CSMD3: variants seen among roughly 807,000 people sequenced by gnomAD.
The protein encoded by CSMD3 is CUB and sushi domain-containing protein 3.
CSMD3 carries 177 observed loss-of-function variants against 435.2 expected under a neutral mutation model. That is an observed-to-expected ratio of 0.41 (90% CI 0.36 to 0.46). The LOEUF (loss-of-function observed/expected upper bound fraction) is 0.46. Among genes scored for constraint, CSMD3 ranks in the 20% least tolerant of loss-of-function variants. The pLI is 0.34. For synonymous variants in CSMD3, 1,656 were observed against 1,520.5 expected, an observed-to-expected ratio of 1.09 and a Z score of -2.07; for missense variants, 4,265 against 4,504.6, an observed-to-expected ratio of 0.95 and a Z score of 1.52.
intron 13 of CSMD3, among the ~76,000 whole-genome samples, chr8:112,748,359 A>G (rs888242264): frequency 1.3e-5 from 2 of 152,142 alleles, no homozygotes; most frequent in Non-Finnish European, 2.9e-5. Context: ...ACTTTATTTT[A>G]GTTTTGGGGG....
chr8:113,002,175 A>C (rs553102048), intron 6 of CSMD3, among the ~76,000 whole-genome samples: 34 of 152,246 alleles, frequency 2.2e-4, no homozygotes, highest in African/African-American at 8.2e-4. Flanking sequence ...TTCCTCGTCT[A>C]GAATTTCATT....
chr8:113,041,779 A>G (rs2087628296), intron 5 of CSMD3, among the ~76,000 whole-genome samples: 1 of 152,138 alleles, frequency 6.6e-6, no homozygotes, highest in South Asian at 2.1e-4. Flanking sequence ...TTTTCTATTC[A>G]GAAATTAAAT....
chr8:112,864,865 A>C (rs2080932092), intron 10 of CSMD3, among the ~76,000 whole-genome samples: 1 of 152,308 alleles, frequency 6.6e-6, no homozygotes, highest in East Asian at 1.9e-4. Context: ...TGATTATCTT[A>C]ACTTTTAGTG....
chr8:112,275,020 C>T lies in CSMD3; in HGVS notation c.9508+6154G>A, dbSNP rs117216803. 5.1e-4 allele frequency among the ~76,000 whole-genome samples: 77 copies of T among 152,186 alleles called. No individual in the cohort carries two copies. In the East Asian group the frequency reaches 0.014, roughly 28 times the overall value. ...GAACCTTTTGATGCTTCAAGTTCTA[C>T]CTCCCCATTCCCCTTCTACTCCACA... On this transcript the variant is annotated intron_variant, in intron 59 of 70. Coordinates refer to ENST00000297405, the MANE Select transcript of CSMD3 (RefSeq NM_198123.2).
rs763855862 is a variant in CSMD3, at chr8:112,224,746, T to A, written c.*25A>T. The A allele has an allele frequency of 3.7e-6, 6 of 1,613,520 alleles. No homozygotes were observed. Among genetic ancestry groups the A allele is most frequent in the Non-Finnish European group, 4.2e-6 (5 of 1,179,526 alleles). ...TGTTTTGTGTGTCGATTTCCAAGCT[T>A]CTGAAGAAGGCAAAGGTTGCCTCGT... On this transcript the variant is annotated 3_prime_UTR_variant, in exon 71 of 71. Transcript: ENST00000297405.
intron 60 of CSMD3, 24 bp from the exon 61 acceptor site, chr8:112,263,836 A>G (rs1017244753): frequency 6.3e-7 from 1 of 1,597,962 alleles, no homozygotes; most frequent in Non-Finnish European, 8.6e-7. Context: ...AAAAGTGATT[A>G]GACACAGCTG....
At chr8:113,269,493 C>T (rs993065874) in intron 3 of CSMD3, among the ~76,000 whole-genome samples, 2 of 152,102 alleles carry the variant, frequency 1.3e-5, no homozygotes, top group Non-Finnish European at 2.9e-5. Flanking sequence ...AAAGAGCCCT[C>T]ATCACCAAGT....
At position 113,368,717 on chromosome 8, in the gene CSMD3, T is replaced by G. The variant is rs575215542; in HGVS notation, c.179-53924A>C. ...CGTCAATAATCTTGGCTTTTAAAAC[T>G]GTATTATGAAGACCGATTCTGTGTC... On this transcript the variant is annotated intron_variant, in intron 1 of 70. Coordinates refer to ENST00000297405, the MANE Select transcript of CSMD3 (RefSeq NM_198123.2). Among the ~76,000 whole-genome samples, 5 of 152,202 alleles carry G rather than the reference T, an allele frequency of 3.3e-5. No homozygotes were observed. In the South Asian group the frequency reaches 6.2e-4, roughly 19 times the overall value.
intron 59 of CSMD3, among the ~76,000 whole-genome samples, chr8:112,273,311 A>G (rs1817699188): frequency 6.6e-6 from 1 of 152,078 alleles, no homozygotes. Context: ...TCCTCAGCAT[A>G]TTTCTGTTAC....
In CSMD3 at chr8:112,947,784, T is replaced by C. The variant is rs751931725; in HGVS notation, c.1508+6A>G. 4.4e-6 allele frequency: 5 copies of C among 1,145,866 alleles called. No homozygotes were observed. The highest frequency in any genetic ancestry group is 6.6e-6 in the Non-Finnish European group (5 of 756,278). The allele number at this position is 1,145,866 out of a possible 1,614,324, so 71.0% of individuals were successfully genotyped here. ...AAATAATGAAGTCAATATTTTAAAA[T>C]ATTACCTAAAATCTGATCCGATTCT... On this transcript the variant is annotated splice_donor_region_variant and intron_variant, in intron 9 of 70. Coordinates refer to ENST00000297405, the MANE Select transcript of CSMD3 (RefSeq NM_198123.2).
chr8:112,360,763 G>T (rs1340088973), intron 38 of CSMD3, among the ~76,000 whole-genome samples: 1 of 151,888 alleles, frequency 6.6e-6, no homozygotes, highest in Admixed American at 6.6e-5. Flanking sequence ...ATTGAATTGG[G>T]CTAGCTAAGT....
chr8:113,051,611 T>C (rs2088097466), intron 5 of CSMD3, among the ~76,000 whole-genome samples: 2 of 152,140 alleles, frequency 1.3e-5, no homozygotes, highest in African/African-American at 4.8e-5. Flanking sequence ...TGTAAATACA[T>C]ATTTGAATTG....
At position 112,638,699 on chromosome 8, in the gene CSMD3, A is replaced by G. The variant is rs1319781055; in HGVS notation, c.3523T>C (p.Ser1175Pro). ...ISYEGFNITF[S>P]EYNLEPCEDP... is the part of the protein sequence containing the mutation. ...CTTTTGTTTTTTATTTTCTCACCAG[A>G]GAATGTTATGTTAAATCCTTCATAT... The change falls in exon 21 of 71, where the codon TCT becomes CCT. Residue 1175 changes from serine to proline, a missense_variant. Physicochemically the swap from Ser to Pro is moderately conservative, Grantham distance 74 (BLOSUM62 -1). Transcript: ENST00000297405. 1.3e-6 allele frequency: 2 copies of G among 1,567,240 alleles called. No individual in the cohort carries two copies. Among genetic ancestry groups the G allele is most frequent in the Non-Finnish European group, 1.8e-6 (2 of 1,138,134 alleles).
At chr8:112,799,915 G>C (rs1318054338) in intron 13 of CSMD3, among the ~76,000 whole-genome samples, 3 of 151,860 alleles carry the variant, frequency 2.0e-5, no homozygotes, top group Middle Eastern at 3.4e-3. Flanking sequence ...TGAAACACAA[G>C]GATAGTATAA....
At chr8:112,761,586 T>G (rs868080550) in intron 13 of CSMD3, among the ~76,000 whole-genome samples, 2 of 152,114 alleles carry the variant, frequency 1.3e-5, no homozygotes, top group East Asian at 1.9e-4. Flanking sequence ...GTAATTTGTA[T>G]GAAAGCAGTT....
At chr8:112,921,030 C>T (rs1433047768) in intron 10 of CSMD3, among the ~76,000 whole-genome samples, 9 of 139,894 alleles carry the variant, frequency 6.4e-5, no homozygotes, top group Admixed American at 1.4e-4. Context: ...CACACACACA[C>T]ACACATATAT....
At chr8:112,949,935 A>C (rs921841167) in intron 8 of CSMD3, among the ~76,000 whole-genome samples, 1 of 151,926 alleles carries the variant, frequency 6.6e-6, no homozygotes, top group Non-Finnish European at 1.5e-5. Flanking sequence ...ATCCTATCTA[A>C]TATTCAAGAC....
intron 50 of CSMD3, chr8:112,310,677 T>C: frequency 4.7e-6 from 2 of 429,130 alleles, no homozygotes; most frequent in Non-Finnish European, 8.7e-6. Flanking sequence ...TCTTCCTCTC[T>C]TTCAATAATT....
At chr8:113,165,269 A>T (rs2092128006) in intron 4 of CSMD3, among the ~76,000 whole-genome samples, 1 of 152,148 alleles carries the variant, frequency 6.6e-6, no homozygotes. Context: ...TGGAATGTAG[A>T]TTTGTGTTAG....
Sources: allele counts gnomAD v4.1 joint callset (sites outside exome capture counted in the v4.1 genomes callset), GRCh38; gene constraint gnomAD v4.1.1; transcripts MANE v1.5; gene names NCBI Gene and HGNC (gene_info 2026-07-23, HGNC 2026-07-21).